Variants in CLASP1 observed in about 807,000 individuals in gnomAD.
CLASP1 encodes the protein cytoplasmic linker associated protein 1, also known as CLIP-associating protein 1.
In CLASP1, 38 loss-of-function variants were observed where a neutral mutation model predicts 192.3. The observed-to-expected ratio is 0.20, with a 90% CI of 0.15 to 0.26. The LOEUF (loss-of-function observed/expected upper bound fraction) is 0.26. Ranked by LOEUF, CLASP1 falls within the 10% of genes least tolerant of loss-of-function variation. The pLI, the probability that CLASP1 is intolerant of heterozygous loss-of-function variation, is 1.00. For synonymous variants in CLASP1, 691 were observed against 712.8 expected (o/e 0.97, Z 0.49); for missense variants, 1,433 against 1,932.5 (o/e 0.74, Z 4.85).
chr2:121,482,377 G>T (rs2092662916), intron 8 of CLASP1, among the ~76,000 whole-genome samples: 1 of 152,148 alleles, frequency 6.6e-6, no homozygotes, highest in South Asian at 2.1e-4. Context: ...TAGGGTTCCT[G>T]AAGTTAGAAT....
exon 26 of CLASP1, chr2:121,404,399 G>C: frequency 1.9e-6 from 3 of 1,612,508 alleles, no homozygotes; most frequent in Non-Finnish European, 2.5e-6. Context: ...AAACATCCGA[G>C]TGAAGATCTC....
intron 12 of CLASP1, among the ~76,000 whole-genome samples, chr2:121,459,264 T>C (rs1472979047): frequency 2.6e-5 from 4 of 152,080 alleles, no homozygotes; most frequent in African/African-American, 9.7e-5. Context: ...CTGGGCTCAA[T>C]CAATCCTCCC....
intron 35 of CLASP1, among the ~76,000 whole-genome samples, chr2:121,366,515 G>A (rs2067442817): frequency 6.6e-6 from 1 of 152,202 alleles, no homozygotes; most frequent in Non-Finnish European, 1.5e-5. Flanking sequence ...TGCCCCGACT[G>A]GATCTGGCAT....
intron 2 of CLASP1, among the ~76,000 whole-genome samples, chr2:121,576,486 G>A (rs2060531652): frequency 6.6e-6 from 1 of 152,180 alleles, no homozygotes; most frequent in African/African-American, 2.4e-5. Context: ...CTGACAAGAT[G>A]TTCTAGGCTT....
At chr2:121,499,627 C>G (rs1192066751) in intron 8 of CLASP1, among the ~76,000 whole-genome samples, 3 of 151,708 alleles carry the variant, frequency 2.0e-5, no homozygotes, top group African/African-American at 4.8e-5. Flanking sequence ...GAGAATGTAT[C>G]TCAATTTTTA....
At chr2:121,607,682 G>C (rs1340651179) in intron 1 of CLASP1, among the ~76,000 whole-genome samples, 1 of 152,110 alleles carries the variant, frequency 6.6e-6, no homozygotes, top group Non-Finnish European at 1.5e-5. Flanking sequence ...GTGCCAAATT[G>C]AAGCTTTTTT....
intron 24 of CLASP1, 131 bp from the exon 26 acceptor site, chr2:121,407,846 C>A: frequency 9.4e-7 from 1 of 1,066,162 alleles, no homozygotes; most frequent in Non-Finnish European, 1.5e-6. Context: ...CACACTTTTC[C>A]TGTGCTTATA....
chr2:121,575,657 A>G (rs549634664), intron 2 of CLASP1, among the ~76,000 whole-genome samples: 1 of 152,342 alleles, frequency 6.6e-6, no homozygotes, highest in Admixed American at 6.5e-5. Flanking sequence ...GGTCTGCCCA[A>G]GTCTACGCAC....
chr2:121,521,724 T>C (rs1381634652), intron 6 of CLASP1, among the ~76,000 whole-genome samples: 1 of 152,206 alleles, frequency 6.6e-6, no homozygotes, highest in Non-Finnish European at 1.5e-5. Context: ...CCAGTCTTTG[T>C]TAGCCGCTGC....
chr2:121,632,514 AT>A (rs1303470363), intron 1 of CLASP1, among the ~76,000 whole-genome samples: 1 of 152,154 alleles, frequency 6.6e-6, no homozygotes, highest in Non-Finnish European at 1.5e-5. Context: ...ACAGCATACT[AT>A]TTAGTCATAC....
intron 39 of CLASP1, among the ~76,000 whole-genome samples, chr2:121,342,524 A>C (rs1371679198): frequency 6.6e-6 from 1 of 152,232 alleles, no homozygotes; most frequent in African/African-American, 2.4e-5. Context: ...TACATTAAAA[A>C]AGAAAGCTCT....
At chr2:121,491,914 C>G (rs1304234235) in intron 8 of CLASP1, among the ~76,000 whole-genome samples, 1 of 152,182 alleles carries the variant, frequency 6.6e-6, no homozygotes, top group African/African-American at 2.4e-5. Flanking sequence ...TTTTGAACAT[C>G]TGAAGATATA....
intron 38 of CLASP1, among the ~76,000 whole-genome samples, chr2:121,348,173 C>T (rs2063715822): frequency 6.6e-6 from 1 of 152,150 alleles, no homozygotes; most frequent in African/African-American, 2.4e-5. Context: ...TTGATTTACA[C>T]TCCATGGTCC....
At chr2:121,358,339 T>C (rs2065788402) in intron 37 of CLASP1, among the ~76,000 whole-genome samples, 1 of 152,134 alleles carries the variant, frequency 6.6e-6, no homozygotes, top group African/African-American at 2.4e-5. Context: ...GTCCACTTGA[T>C]AGGGTAAGAG....
chr2:121,383,829 C>T (rs1036917871), intron 32 of CLASP1, among the ~76,000 whole-genome samples: 8 of 151,598 alleles, frequency 5.3e-5, no homozygotes, highest in African/African-American at 1.9e-4. Context: ...GATCTCTTCT[C>T]CAAATACCAA....
exon 40 of CLASP1, chr2:121,340,783 C>T (rs998923477): frequency 3.0e-5 from 33 of 1,088,480 alleles, no homozygotes; most frequent in Middle Eastern, 2.9e-4. Flanking sequence ...ACTGGGCAGC[C>T]GATGAAGGGG....
intron 2 of CLASP1, among the ~76,000 whole-genome samples, chr2:121,547,541 C>T (rs895472002): frequency 3.3e-5 from 5 of 152,048 alleles, no homozygotes; most frequent in Admixed American, 6.5e-5. Flanking sequence ...TCGGCCACAA[C>T]CACTACTAAG....
chr2:121,385,517 T>C (rs1336488397), intron 32 of CLASP1, among the ~76,000 whole-genome samples: 3 of 152,208 alleles, frequency 2.0e-5, no homozygotes, highest in African/African-American at 7.2e-5. Flanking sequence ...TTTTAATGAC[T>C]TGAGGACCCA....
At chr2:121,469,031 T>A (rs945520804) in intron 9 of CLASP1, among the ~76,000 whole-genome samples, 3 of 152,176 alleles carry the variant, frequency 2.0e-5, no homozygotes, top group Admixed American at 2.0e-4. Flanking sequence ...GGATGGGGTT[T>A]TTTGTTGTTG....
Sources: gnomAD v4.1 joint callset for allele counts (sites outside exome capture counted in the v4.1 genomes callset) on GRCh38, gnomAD v4.1.1 for gene constraint, MANE v1.5 for transcripts, NCBI Gene and HGNC (gene_info 2026-07-23, HGNC 2026-07-21) for gene names.